The following DOCK8 variants were observed in gnomAD, a reference collection of about 807,000 sequenced individuals.
DOCK8 encodes the protein dedicator of cytokinesis 8, also known as dedicator of cytokinesis protein 8.
DOCK8 carries 141 observed loss-of-function variants against 245.6 expected under a neutral mutation model. That is an observed-to-expected ratio of 0.57 (90% CI 0.50 to 0.66). The LOEUF is 0.66. DOCK8 is among the 30% of genes least tolerant of loss of function. The probability of loss-of-function intolerance (pLI) is 0.00; values close to 1 mark genes in which losing one functional copy is unlikely to be tolerated. For synonymous variants in DOCK8, 1,168 were observed against 970.2 expected (o/e 1.20, Z -3.79); for missense variants, 2,965 against 2,603.4 (o/e 1.14, Z -3.02).
intron 28 of DOCK8, 148 bp downstream of exon 28, chr9:407,217 G>A: frequency 8.0e-7 from 1 of 1,253,630 alleles, no homozygotes; most frequent in Non-Finnish European, 1.1e-6. Context: ...TTGAGAATAT[G>A]GTACCCATAA....
At chr9:370,642 C>A (rs1049142456) in intron 16 of DOCK8, among the ~76,000 whole-genome samples, 2 of 152,212 alleles carry the variant, frequency 1.3e-5, no homozygotes, top group South Asian at 4.1e-4. Flanking sequence ...AGTCCGGCTC[C>A]CCTTGCCCTG....
At chr9:245,184 A>G (rs1306717539) in intron 1 of DOCK8, among the ~76,000 whole-genome samples, 1 of 151,948 alleles carries the variant, frequency 6.6e-6, no homozygotes, top group Non-Finnish European at 1.5e-5. Flanking sequence ...GCCTTCCAAG[A>G]TATTTTCTTT....
At chr9:270,839 A>T (rs900917084) in intron 1 of DOCK8, among the ~76,000 whole-genome samples, 2 of 152,200 alleles carry the variant, frequency 1.3e-5, no homozygotes, top group Non-Finnish European at 2.9e-5. Context: ...TTTGTGAACT[A>T]GCCTGAGAAT....
chr9:384,305 C>G (rs2053854187), intron 22 of DOCK8, among the ~76,000 whole-genome samples: 1 of 152,154 alleles, frequency 6.6e-6, no homozygotes, highest in Non-Finnish European at 1.5e-5. Flanking sequence ...GAATTCTTAG[C>G]CTGAATTTTT....
At chr9:336,508 T>C (rs1050730667) in intron 11 of DOCK8, 74 bp from the exon 12 acceptor site, 5 of 1,589,966 alleles carry the variant, frequency 3.1e-6, no homozygotes, top group African/African-American at 1.3e-5. Context: ...TAATCATACA[T>C]ATTGTGAAGT....
At chr9:217,346 T>G (rs2046779119) in intron 1 of DOCK8, among the ~76,000 whole-genome samples, 1 of 152,132 alleles carries the variant, frequency 6.6e-6, no homozygotes, top group Admixed American at 6.5e-5. Context: ...GAGATCAGTT[T>G]GGGTTAGGTA....
At chr9:430,803 C>T (rs1176047659) in intron 36 of DOCK8, among the ~76,000 whole-genome samples, 2 of 152,040 alleles carry the variant, frequency 1.3e-5, no homozygotes, top group Admixed American at 6.6e-5. Flanking sequence ...CTAGCTAGTG[C>T]CAGAATGACC....
chr9:289,426 T>C, intron 3 of DOCK8, 84 bp from the exon 4 acceptor site: 1 of 1,060,878 alleles, frequency 9.4e-7, no homozygotes, highest in Non-Finnish European at 1.5e-6. Context: ...TTTAAATTCG[T>C]GTCATGTTCC....
At chr9:333,397 T>A (rs142317576) in intron 10 of DOCK8, among the ~76,000 whole-genome samples, 37 of 152,106 alleles carry the variant, frequency 2.4e-4, no homozygotes, top group East Asian at 5.8e-4. Context: ...GTCAGAAGAT[T>A]GAGACCATCC....
intron 7 of DOCK8, among the ~76,000 whole-genome samples, chr9:317,374 G>A (rs534831785): frequency 8.5e-5 from 13 of 152,182 alleles, no homozygotes; most frequent in African/African-American, 3.1e-4. Context: ...AAGTTAGGCA[G>A]GTAAGGTCAT....
chr9:341,148 G>A (rs1226775309), intron 14 of DOCK8, among the ~76,000 whole-genome samples: 1 of 152,220 alleles, frequency 6.6e-6, no homozygotes, highest in African/African-American at 2.4e-5. Context: ...CATTTGAAAT[G>A]TGGCCAGTGC....
At chr9:238,430 A>G (rs573823422) in intron 1 of DOCK8, among the ~76,000 whole-genome samples, 1 of 152,320 alleles carries the variant, frequency 6.6e-6, no homozygotes, top group East Asian at 1.9e-4. Flanking sequence ...CTTGGTAGAT[A>G]CTCAAAAAAG....
intron 24 of DOCK8, among the ~76,000 whole-genome samples, chr9:393,414 T>C: frequency 6.6e-6 from 1 of 152,178 alleles, no homozygotes; most frequent in Non-Finnish European, 1.5e-5. Flanking sequence ...TTAAGCATTT[T>C]AAAGCATCAT....
At chr9:332,648 CTTTTTTTTTTTT>C (rs35539095) in intron 10 of DOCK8, among the ~76,000 whole-genome samples, 170 bp downstream of exon 10, 18 of 63,962 alleles carry the variant, frequency 2.8e-4, no homozygotes, top group East Asian at 2.8e-3. Flanking sequence ...CCGATGATGA[CTTTTTTTTTTTT>C]TTTTTTTTTT....
intron 1 of DOCK8, among the ~76,000 whole-genome samples, chr9:238,989 A>G (rs180901864): frequency 1.3e-5 from 2 of 152,018 alleles, no homozygotes; most frequent in East Asian, 1.9e-4. Context: ...CGATTCACCT[A>G]CTCTGTGCAT....
intron 46 of DOCK8, among the ~76,000 whole-genome samples, chr9:461,129 A>C (rs2057791020): frequency 6.6e-6 from 1 of 152,176 alleles, no homozygotes; most frequent in Non-Finnish European, 1.5e-5. Context: ...CAGGGAAAAC[A>C]CCAGGTTTAA....
intron 13 of DOCK8, 148 bp downstream of exon 13, chr9:339,247 C>T (rs2130915271): frequency 1.3e-6 from 1 of 748,246 alleles, no homozygotes; most frequent in Non-Finnish European, 2.3e-6. Context: ...CTGAATTGTT[C>T]TATGTCTTTG....
At chr9:261,997 G>GAGAAAGAAAGAAAGAAAGAAAGAAAGAA (rs149792134) in intron 1 of DOCK8, among the ~76,000 whole-genome samples, 25 of 146,846 alleles carry the variant, frequency 1.7e-4, no homozygotes, top group African/African-American at 4.3e-4. Flanking sequence ...AAGAAAGAAG[G>GAGAAAGAAAGAAAGAAAGAAAGAAAGAA]AGAAAGAAAG....
chr9:226,268 T>G (rs2046987820), intron 1 of DOCK8, among the ~76,000 whole-genome samples: 2 of 152,144 alleles, frequency 1.3e-5, no homozygotes, highest in Admixed American at 1.3e-4. Context: ...GTGAGACTTA[T>G]TCACTATCAT....
Sources: allele counts gnomAD v4.1 joint callset (sites outside exome capture counted in the v4.1 genomes callset), GRCh38; gene constraint gnomAD v4.1.1; transcripts MANE v1.5; gene names NCBI Gene and HGNC (gene_info 2026-07-23, HGNC 2026-07-21).